Variants in FAM219A observed in about 807,000 individuals in gnomAD.
The protein encoded by FAM219A is family with sequence similarity 219 member A, also known as protein FAM219A.
FAM219A carries 7 observed loss-of-function variants against 23.4 expected under a neutral mutation model. The observed-to-expected ratio is 0.30, with a 90% CI of 0.17 to 0.56. FAM219A has a LOEUF of 0.56. FAM219A is among the 20% of genes least tolerant of loss of function. The pLI is 0.92. For synonymous variants in FAM219A, 93 were observed against 99.0 expected (o/e 0.94, Z 0.36); for missense variants, 166 against 246.9 (o/e 0.67, Z 2.20).
chr9:34,422,597 T>C (rs1431020064), intron 1 of FAM219A, among the ~76,000 whole-genome samples: 1 of 152,210 alleles, frequency 6.6e-6, no homozygotes, highest in Non-Finnish European at 1.5e-5. Flanking sequence ...GCATGGATGC[T>C]TTCTGATCAC....
Position 34,417,635 on chromosome 9 carries a change from C to T in FAM219A, c.61-11671G>A, listed in dbSNP as rs141887461. 1.4e-3 allele frequency among the ~76,000 whole-genome samples: 208 copies of T among 152,304 alleles called. No individual in the cohort carries two copies. Among genetic ancestry groups the T allele is most frequent in the Admixed American group, 2.8e-3 (43 of 15,300 alleles). On this transcript the variant is annotated intron_variant, in intron 1 of 5. Transcript: ENST00000651358. This position sits in a 1 kb window ranked among gnomAD's most constrained non-coding sequence, Gnocchi z 4.1. ...CAAAGGATTGTTCCAATTTACAATG[C>T]CTCCTGTCATGACTGAGAGTATAGC...
At chr9:34,456,764 G>A (rs188747180) in intron 1 of FAM219A, among the ~76,000 whole-genome samples, 14 of 152,254 alleles carry the variant, frequency 9.2e-5, no homozygotes, top group Admixed American at 5.9e-4. Flanking sequence ...ACCTCTCTCC[G>A]GTTTAATATT....
intron 1 of FAM219A, among the ~76,000 whole-genome samples, chr9:34,422,138 C>T (rs1343969038): frequency 3.9e-5 from 6 of 152,202 alleles, no homozygotes; most frequent in Admixed American, 3.3e-4. Context: ...CTACTAAGAA[C>T]TCTGGCTGGA....
intron 1 of FAM219A, among the ~76,000 whole-genome samples, chr9:34,440,775 G>A (rs374810482): frequency 6.6e-6 from 1 of 151,482 alleles, no homozygotes; most frequent in African/African-American, 2.4e-5. Flanking sequence ...GCATGAACCC[G>A]GGAGGCGGAG....
intron 1 of FAM219A, among the ~76,000 whole-genome samples, chr9:34,442,677 T>C: frequency 7.8e-6 from 1 of 127,588 alleles, no homozygotes. Flanking sequence ...AGAGACAGAC[T>C]CCGTCTCAAA....
At chr9:34,404,721 C>T (rs1821575373) in intron 2 of FAM219A, among the ~76,000 whole-genome samples, 1 of 151,932 alleles carries the variant, frequency 6.6e-6, no homozygotes, top group Non-Finnish European at 1.5e-5. Context: ...ACAACAACAA[C>T]AACAACAACA....
At chr9:34,429,495 A>C (rs923214003) in intron 1 of FAM219A, among the ~76,000 whole-genome samples, 1 of 152,190 alleles carries the variant, frequency 6.6e-6, no homozygotes, top group Non-Finnish European at 1.5e-5. Context: ...TAGAGGAGGA[A>C]CTTTCAACCA....
chr9:34,458,332 C>A lies in FAM219A; in HGVS notation c.-69G>T, dbSNP rs1233493299. 8.6e-7 allele frequency: 1 copy of A among 1,168,030 alleles called. No individual in the cohort carries two copies. 72.4% of individuals were successfully genotyped at this position (1,168,030 alleles called of 1,614,324 possible). On this transcript the variant is annotated 5_prime_UTR_variant, in exon 1 of 6. Coordinates refer to ENST00000651358, the MANE Select transcript of FAM219A (RefSeq NM_001184940.2). This position sits in a 1 kb window ranked among gnomAD's most constrained non-coding sequence, Gnocchi z 6.6. ...ACGCCGACAGGACCGCGCGGGGCGGCGGCCCCAGGAGCCCGGCGGGTGGTG... is the reference window on the plus strand; with the variant it reads ...ACGCCGACAGGACCGCGCGGGGCGGAGGCCCCAGGAGCCCGGCGGGTGGTG...
chr9:34,434,310 A>G (rs1822826765), intron 1 of FAM219A, among the ~76,000 whole-genome samples: 4 of 152,074 alleles, frequency 2.6e-5, no homozygotes. Flanking sequence ...AGATTTAGAG[A>G]CATGCTTCTT....
rs112458539 is a variant in FAM219A, at chr9:34,399,567, C to T, written c.*1397G>A. ...TGATAGGAACTGCCCCTTCGCCTTT[C>T]TACAGAGACACACAACTCCGCCCCA... On this transcript the variant is annotated 3_prime_UTR_variant, in exon 6 of 6. Coordinates refer to ENST00000651358, the MANE Select transcript of FAM219A (RefSeq NM_001184940.2). 0.012 allele frequency: 1,867 copies of T among 152,348 alleles called. 20 individuals are homozygous for T. The highest frequency in any genetic ancestry group is 0.019 in the Non-Finnish European group (1,312 of 68,036). The allele number at this position is 152,348 out of a possible 1,614,324, so 9.4% of individuals were successfully genotyped here. A position where few individuals can be genotyped will look rare whatever the true frequency, so the allele number is the denominator to read the frequency against.
At chr9:34,431,079 C>G (rs1034309795) in intron 1 of FAM219A, among the ~76,000 whole-genome samples, 1 of 152,216 alleles carries the variant, frequency 6.6e-6, no homozygotes, top group African/African-American at 2.4e-5. Flanking sequence ...GGACCCATGG[C>G]CCGCATGAAC....
chr9:34,419,583 T>G lies in FAM219A; in HGVS notation c.61-13619A>C, dbSNP rs10972104. Among the ~76,000 whole-genome samples the G allele has an allele frequency of 2.6e-5, 4 of 152,180 alleles. No individual in the cohort carries two copies. The East Asian group carries it at 7.7e-4, about 29-fold the overall frequency. On this transcript the variant is annotated intron_variant, in intron 1 of 5. Coordinates refer to ENST00000651358, the MANE Select transcript of FAM219A (RefSeq NM_001184940.2). Reference sequence around the variant, plus strand: ...TACAAGACATGTGGTTGGAGACTCCTTGAGAGCCCCACACCTGGTAGGAAG... The same window carrying G: ...TACAAGACATGTGGTTGGAGACTCCGTGAGAGCCCCACACCTGGTAGGAAG...
intron 1 of FAM219A, among the ~76,000 whole-genome samples, chr9:34,444,974 T>A (rs1823318851): frequency 6.6e-6 from 1 of 152,252 alleles, no homozygotes; most frequent in Non-Finnish European, 1.5e-5. Context: ...TTTTACTTCC[T>A]ATGTTTGGCT....
chr9:34,413,300 G>C (rs1588039150), intron 1 of FAM219A, among the ~76,000 whole-genome samples: 1 of 152,240 alleles, frequency 6.6e-6, no homozygotes, highest in Admixed American at 6.5e-5. Flanking sequence ...GAACACTAAG[G>C]GGTTGGGAAA....
At chr9:34,429,782 A>G (rs1244919229) in intron 1 of FAM219A, among the ~76,000 whole-genome samples, 2 of 152,170 alleles carry the variant, frequency 1.3e-5, no homozygotes, top group Non-Finnish European at 2.9e-5. Flanking sequence ...GTATATTCCT[A>G]TTGGTAGGCC....
intron 1 of FAM219A, among the ~76,000 whole-genome samples, chr9:34,439,026 G>A (rs912649179): frequency 1.3e-5 from 2 of 150,272 alleles, no homozygotes; most frequent in African/African-American, 2.5e-5. Context: ...CGGGAGGAAC[G>A]AACAACTCCA....
At chr9:34,413,117 T>C (rs954411873) in intron 1 of FAM219A, among the ~76,000 whole-genome samples, 1 of 151,458 alleles carries the variant, frequency 6.6e-6, no homozygotes, top group Non-Finnish European at 1.5e-5. Flanking sequence ...GCCAGAACTT[T>C]GGACCATGGG....
rs181980094 is a variant in FAM219A, at chr9:34,438,885, T to C, written c.60+19319A>G. ...GGTCCCCATCCACACTGTGGAAGCT[T>C]TGTTCTTTTGCTCTTTGCAATAAAT... On this transcript the variant is annotated intron_variant, in intron 1 of 5. Transcript: ENST00000651358. Among the ~76,000 whole-genome samples, 7 of 152,320 alleles carry C rather than the reference T, an allele frequency of 4.6e-5. No homozygotes were observed. The East Asian group carries it at 1.2e-3, about 25-fold the overall frequency.
Position 34,417,422 on chromosome 9 carries a change from A to G in FAM219A, c.61-11458T>C, listed in dbSNP as rs747739949. Reference sequence around the variant, plus strand: ...CATAATACCTATAGAGAGGATGTAGAGTAACTTTGTAACCATTCATTTATT... The same window carrying G: ...CATAATACCTATAGAGAGGATGTAGGGTAACTTTGTAACCATTCATTTATT... On this transcript the variant is annotated intron_variant, in intron 1 of 5. Transcript: ENST00000651358. This position sits in a 1 kb window ranked among gnomAD's most constrained non-coding sequence, Gnocchi z 4.1. Among the ~76,000 whole-genome samples, 3 of 152,196 alleles carry G rather than the reference A, an allele frequency of 2.0e-5. No homozygotes were observed. Among genetic ancestry groups the G allele is most frequent in the Non-Finnish European group, 4.4e-5 (3 of 68,034 alleles).
Sources: allele counts gnomAD v4.1 joint callset (sites outside exome capture counted in the v4.1 genomes callset), GRCh38; gene constraint gnomAD v4.1.1; non-coding constraint Gnocchi (gnomAD v3.1); transcripts MANE v1.5; gene names NCBI Gene and HGNC (gene_info 2026-07-23, HGNC 2026-07-21).